Variants in FRMD5 observed in about 807,000 individuals in gnomAD.
FRMD5 encodes the protein FERM domain-containing protein 5.
In FRMD5, 20 loss-of-function variants were observed where a neutral mutation model predicts 69.0. The ratio of observed to expected loss-of-function variants is 0.29; its 90% CI spans 0.20 to 0.42. FRMD5 has a LOEUF of 0.42. FRMD5 is among the 10% of genes least tolerant of loss of function. The pLI is 1.00. For synonymous variants in FRMD5, 271 were observed against 260.1 expected (o/e 1.04, Z -0.40); for missense variants, 595 against 708.6 (o/e 0.84, Z 1.82).
chr15:43,995,035 T>C lies in FRMD5; in HGVS notation c.103-70726A>G, dbSNP rs181140778. Reference sequence around the variant, plus strand: ...TATTCTTGTTTTCTCCTTTAGCACTTTGAATATAGTCATCCCTCAGCATCT... The same window carrying C: ...TATTCTTGTTTTCTCCTTTAGCACTCTGAATATAGTCATCCCTCAGCATCT... On this transcript the variant is annotated intron_variant, in intron 1 of 13. Coordinates refer to ENST00000417257, the MANE Select transcript of FRMD5 (RefSeq NM_032892.5). 3.7e-3 allele frequency among the ~76,000 whole-genome samples: 562 copies of C among 152,236 alleles called. 2 individuals are homozygous for C. The highest frequency in any genetic ancestry group is 0.012 in the African/African-American group (478 of 41,530).
intron 1 of FRMD5, among the ~76,000 whole-genome samples, chr15:43,955,700 T>C (rs559746477): frequency 6.6e-6 from 1 of 152,286 alleles, no homozygotes; most frequent in African/African-American, 2.4e-5. Flanking sequence ...AACCTCTGAG[T>C]GAAGAACATT....
intron 1 of FRMD5, among the ~76,000 whole-genome samples, chr15:44,028,673 A>AG: frequency 6.6e-6 from 1 of 152,300 alleles, no homozygotes; most frequent in Middle Eastern, 3.4e-3. Context: ...ACCAGAAGTC[A>AG]GGGGGAGGCC....
At chr15:44,091,339 TA>T (rs922420432) in intron 1 of FRMD5, among the ~76,000 whole-genome samples, 1 of 152,086 alleles carries the variant, frequency 6.6e-6, no homozygotes, top group Non-Finnish European at 1.5e-5. Flanking sequence ...CTGATATATA[TA>T]GATATATATG....
chr15:44,060,979 T>TTAG (rs1893066084), intron 1 of FRMD5, among the ~76,000 whole-genome samples: 4 of 152,230 alleles, frequency 2.6e-5, no homozygotes, highest in Non-Finnish European at 5.9e-5. Flanking sequence ...ATGTCTAGTA[T>TTAG]ACAACATAAA....
intron 1 of FRMD5, among the ~76,000 whole-genome samples, chr15:44,107,733 C>T (rs1278941510): frequency 6.6e-6 from 1 of 152,078 alleles, no homozygotes; most frequent in Admixed American, 6.5e-5. Flanking sequence ...GCTGAAAATA[C>T]ATTAAAAATT....
At chr15:43,922,928 C>T (rs1361743574) in intron 2 of FRMD5, among the ~76,000 whole-genome samples, 2 of 152,176 alleles carry the variant, frequency 1.3e-5, no homozygotes, top group Admixed American at 1.3e-4. Context: ...CCTTAGCCTC[C>T]CAAAGTGCTG....
intron 1 of FRMD5, among the ~76,000 whole-genome samples, chr15:43,976,725 G>T (rs887115881): frequency 1.3e-5 from 2 of 152,158 alleles, no homozygotes; most frequent in Non-Finnish European, 2.9e-5. Flanking sequence ...GGAGTGCAAT[G>T]GTGCGATCTC....
chr15:43,906,057 A>G (rs906998924), intron 5 of FRMD5, 106 bp from the exon 6 acceptor site: 3 of 1,367,904 alleles, frequency 2.2e-6, no homozygotes, highest in Non-Finnish European at 3.1e-6. Flanking sequence ...TACACATCAG[A>G]TTTATAAGAA....
At chr15:43,934,116 C>G (rs1180743401) in intron 1 of FRMD5, among the ~76,000 whole-genome samples, 10 of 152,196 alleles carry the variant, frequency 6.6e-5, no homozygotes. Flanking sequence ...TCTCCTTTCT[C>G]TCCTTTTCCT....
At position 43,957,983 on chromosome 15, in the gene FRMD5, A is replaced by G. The variant is rs552229180; in HGVS notation, c.103-33674T>C. ...TCCACAAGGTATATATCATTAACCTATTTTGCAAATGAACAACCTGAGGCT... is the reference window on the plus strand; with the variant it reads ...TCCACAAGGTATATATCATTAACCTGTTTTGCAAATGAACAACCTGAGGCT... On this transcript the variant is annotated intron_variant, in intron 1 of 13. Transcript: ENST00000417257. Among the ~76,000 whole-genome samples the G allele has an allele frequency of 5.3e-5, 8 of 152,324 alleles. No homozygotes were observed. The South Asian group carries it at 1.5e-3, about 28-fold the overall frequency.
intron 1 of FRMD5, among the ~76,000 whole-genome samples, chr15:44,153,680 T>C (rs1470707641): frequency 3.9e-5 from 6 of 152,220 alleles, no homozygotes; most frequent in Non-Finnish European, 8.8e-5. Context: ...CATTTTAAAA[T>C]GGTTAAGGCC....
Position 44,026,503 on chromosome 15 carries a change from G to GCCCTACAT in FRMD5, c.103-102202_103-102195dup, listed in dbSNP as rs1174168908. Among the ~76,000 whole-genome samples the GCCCTACAT allele has an allele frequency of 5.3e-5, 8 of 152,086 alleles. No individual in the cohort carries two copies. The East Asian group carries it at 9.6e-4, about 18-fold the overall frequency. On this transcript the variant is annotated intron_variant, in intron 1 of 13. Transcript: ENST00000417257. ...GAACAATTACTTTAAAAGTGATTTG[G>GCCCTACAT]CCCTACATTGTTGCTTTTCTTCACA...
chr15:44,039,436 C>T (rs924966580), intron 1 of FRMD5, among the ~76,000 whole-genome samples: 1 of 152,210 alleles, frequency 6.6e-6, no homozygotes, highest in African/African-American at 2.4e-5. Context: ...TCGCTGGCAA[C>T]TGGCAGGTGC....
chr15:43,933,847 T>C (rs1283267212), intron 1 of FRMD5, among the ~76,000 whole-genome samples: 1 of 152,216 alleles, frequency 6.6e-6, no homozygotes, highest in African/African-American at 2.4e-5. Context: ...ACTTTTGCTA[T>C]GAACTAGATC....
chr15:44,086,191 G>A (rs1403799487), intron 1 of FRMD5, among the ~76,000 whole-genome samples: 2 of 152,072 alleles, frequency 1.3e-5, no homozygotes, highest in African/African-American at 2.4e-5. Flanking sequence ...ACTACCATAT[G>A]ACATAGCAAT....
chr15:43,983,959 A>C (rs1235530114), intron 1 of FRMD5, among the ~76,000 whole-genome samples: 2 of 152,246 alleles, frequency 1.3e-5, no homozygotes, highest in Non-Finnish European at 2.9e-5. Context: ...TTCAGTCTTT[A>C]AAATGGCTAC....
intron 1 of FRMD5, among the ~76,000 whole-genome samples, chr15:44,081,584 A>G (rs1893997814): frequency 6.6e-6 from 1 of 152,084 alleles, no homozygotes; most frequent in African/African-American, 2.4e-5. Context: ...GTTTACTGAG[A>G]TCCTATGGGA....
intron 6 of FRMD5, among the ~76,000 whole-genome samples, chr15:43,903,867 C>T (rs1373713748): frequency 6.6e-6 from 1 of 152,220 alleles, no homozygotes; most frequent in Non-Finnish European, 1.5e-5. Flanking sequence ...TAAAGCCCTC[C>T]AGGCAGTTCC....
chr15:44,179,664 C>T (rs1172331123), intron 1 of FRMD5, among the ~76,000 whole-genome samples: 1 of 152,122 alleles, frequency 6.6e-6, no homozygotes, highest in African/African-American at 2.4e-5. Flanking sequence ...ATTAAACAAA[C>T]AACTTATAGA....
Sources: allele counts gnomAD v4.1 joint callset (sites outside exome capture counted in the v4.1 genomes callset), GRCh38; gene constraint gnomAD v4.1.1; transcripts MANE v1.5; gene names NCBI Gene and HGNC (gene_info 2026-07-23, HGNC 2026-07-21).